The following SIRPB2 variants were observed in gnomAD, a reference collection of about 807,000 sequenced individuals.
The protein encoded by SIRPB2 is signal regulatory protein beta 2, also known as signal-regulatory protein beta-2.
Under a neutral mutation model 27.1 loss-of-function variants are expected in SIRPB2, and 18 were observed. That is an observed-to-expected ratio of 0.66 (90% CI 0.46 to 0.98). SIRPB2 has a LOEUF of 0.98. SIRPB2 is among the 50% of genes least tolerant of loss of function. SIRPB2 has a pLI of 0.00. For synonymous variants in SIRPB2, 150 were observed against 164.6 expected (o/e 0.91, Z 0.68); for missense variants, 420 against 417.4 (o/e 1.01, Z -0.06).
chr20:1,481,208 G>A lies in SIRPB2; in HGVS notation c.86-1143C>T, dbSNP rs183195899. On this transcript the variant is annotated intron_variant, in intron 1 of 4. Transcript: ENST00000359801. ...TTTTAATTTTTTTTGTAGTGATGGG[G>A]TCTCACTATGGTGCCCAGGCTGGTC... Among the ~76,000 whole-genome samples the A allele has an allele frequency of 7.6e-3, 1,158 of 152,026 alleles. 8 individuals are homozygous for A. Among genetic ancestry groups the A allele is most frequent in the African/African-American group, 0.026 (1,072 of 41,436 alleles).
At position 1,478,493 on chromosome 20, in the gene SIRPB2, C is replaced by A; in HGVS notation, c.566G>T (p.Gly189Val). The part of the protein sequence containing the change: ...NCTVLGDGPP[G>V]PIRWFQGAGL... ...AGCTCCCTGGAACCACCTGATGGGT[C>A]CAGGGGGACCGTCTCCAAGCACTGT... The change falls in exon 3 of 5, where the codon GGA becomes GTA. Residue 189 changes from glycine (G) to valine (V), a missense_variant. Transcript: ENST00000359801. 1 of 1,614,122 alleles carries A rather than the reference C, an allele frequency of 6.2e-7. No homozygotes were observed. Among genetic ancestry groups the A allele is most frequent in the South Asian group, 1.1e-5 (1 of 91,080 alleles).
rs769198989 is a variant in SIRPB2 at position 1,478,279 on chromosome 20, G to T, written c.780C>A (p.Ser260Arg). The T allele has an allele frequency of 1.2e-6, 2 of 1,611,132 alleles. No homozygotes were observed. The highest frequency in any genetic ancestry group is 3.3e-5 in the Admixed American group (2 of 59,962). Reference protein sequence around the residue: ...NRQYLSGQGTSLKVKAKSTSS... With the variant: ...NRQYLSGQGTRLKVKAKSTSS... ...CAATTGTCTCACCTTTCACTTTCAGGCTGGTGCCCTGTCCAGACAGGTATT... is the reference window on the plus strand; with the variant it reads ...CAATTGTCTCACCTTTCACTTTCAGTCTGGTGCCCTGTCCAGACAGGTATT... The change falls in exon 3 of 5, where the codon AGC (serine) becomes AGA (arginine). Residue 260 changes from serine (S) to arginine (R), a missense_variant. Coordinates refer to ENST00000359801, the MANE Select transcript of SIRPB2 (RefSeq NM_001122962.2).
chr20:1,482,474 T>C (rs2090680734), intron 1 of SIRPB2, among the ~76,000 whole-genome samples: 2 of 151,370 alleles, frequency 1.3e-5, no homozygotes, highest in Non-Finnish European at 2.9e-5. Context: ...ACCTGCATAG[T>C]TGTCTTTCTG....
rs1035730874 is a variant in SIRPB2 at position 1,476,111 on chromosome 20, T to C, written c.*56A>G. 3.8e-6 allele frequency: 6 copies of C among 1,580,660 alleles called. No homozygotes were observed. The highest frequency in any genetic ancestry group is 1.4e-5 in the African/African-American group (1 of 72,906). Reference sequence around the variant, plus strand: ...GCTGGGACTGGAGGTAGGGAAATGGTTGAGGAGCCCTGGCTCCTCTCCAAC... The same window carrying C: ...GCTGGGACTGGAGGTAGGGAAATGGCTGAGGAGCCCTGGCTCCTCTCCAAC... On this transcript the variant is annotated 3_prime_UTR_variant, in exon 5 of 5. Transcript: ENST00000359801.
chr20:1,473,435 CAT>C (rs1379620189), downstream of SIRPB2, among the ~76,000 whole-genome samples: 1 of 152,088 alleles, frequency 6.6e-6, no homozygotes, highest in Non-Finnish European at 1.5e-5. Flanking sequence ...CAGATGCACA[CAT>C]GCATGCACAC....
At chr20:1,480,401 G>T in intron 1 of SIRPB2, 1 of 249,312 alleles carries the variant, frequency 4.0e-6, no homozygotes, top group Non-Finnish European at 7.8e-6. Context: ...GGTCCGGAAA[G>T]GTTAGGCAGC....
intron 1 of SIRPB2, among the ~76,000 whole-genome samples, chr20:1,486,292 T>G (rs2090725896): frequency 6.6e-6 from 1 of 151,948 alleles, no homozygotes; most frequent in Non-Finnish European, 1.5e-5. Context: ...AGGCTGGTCT[T>G]GAACTCCTGG....
At chr20:1,486,564 T>G (rs961110381) in intron 1 of SIRPB2, among the ~76,000 whole-genome samples, 3 of 152,144 alleles carry the variant, frequency 2.0e-5, no homozygotes, top group Non-Finnish European at 2.9e-5. Flanking sequence ...ACACAAAATT[T>G]TAGTAAACCG....
At chr20:1,470,779 G>A (rs2090578681), downstream of SIRPB2, 1 of 152,132 alleles carries the variant, frequency 6.6e-6, no homozygotes, top group African/African-American at 2.4e-5. Flanking sequence ...CAGGCAATGT[G>A]TTTACTAGCG....
rs990688406 is a variant in SIRPB2, at chr20:1,474,793, C to G, written c.*1374G>C. On this transcript the variant is annotated 3_prime_UTR_variant, in exon 5 of 5. Transcript: ENST00000359801. ...TTCACCATGTTAGCCAGGCTGGTCT[C>G]AAACTCCTGAACTCAGGTGATCCAC... 2 of 152,282 alleles carry G rather than the reference C, an allele frequency of 1.3e-5. No individual in the cohort carries two copies. The highest frequency in any genetic ancestry group is 2.9e-5 in the Non-Finnish European group (2 of 68,106). The allele number at this position is 152,282 out of a possible 1,614,324, so 9.4% of individuals were successfully genotyped here.
chr20:1,476,691 T>C, intron 4 of SIRPB2: 1 of 1,050,554 alleles, frequency 9.5e-7, no homozygotes, highest in South Asian at 3.3e-5. Context: ...CAGGGCCACA[T>C]GTGTTAAAGA....
At chr20:1,482,750 A>T (rs187343388) in intron 1 of SIRPB2, among the ~76,000 whole-genome samples, 114 of 149,964 alleles carry the variant, frequency 7.6e-4, no homozygotes, top group Admixed American at 5.5e-3. Flanking sequence ...GTTGCTGTGA[A>T]TGACTACATG....
At position 1,480,004 on chromosome 20, in the gene SIRPB2, C is replaced by A. The variant is rs747034277; in HGVS notation, c.147G>T (p.Leu49=). The change falls in exon 2 of 5, where the codon CTG becomes CTT. Residue 49 remains leucine, a synonymous_variant. Coordinates refer to ENST00000359801, the MANE Select transcript of SIRPB2 (RefSeq NM_001122962.2). ...WQVLQPEGPM[L]VAEGETLLLR... ...GTAGAAGTGTCTCACCTTCTGCCAC[C>A]AGCATGGGGCCCTCGGGCTGTAGCA... is the stretch of plus-strand genomic sequence containing the variant. 1 of 1,614,098 alleles carries A rather than the reference C, an allele frequency of 6.2e-7. No homozygotes were observed. Among genetic ancestry groups the A allele is most frequent in the South Asian group, 1.1e-5 (1 of 91,088 alleles).
In SIRPB2 at chr20:1,479,952, T is replaced by G; in HGVS notation, c.199A>C (p.Thr67Pro). 17 of 1,614,194 alleles carry G rather than the reference T, an allele frequency of 1.1e-5. No individual in the cohort carries two copies. Among genetic ancestry groups the G allele is most frequent in the Non-Finnish European group, 1.4e-5 (16 of 1,180,040 alleles). ...LLRCMVVGSC[T>P]DGMIKWVKVS... ...TTCACCCATTTTATCATACCATCAG[T>G]GCAGGAGCCGACCACCATACACCTC... Residue 67 changes from threonine to proline, a missense_variant, in exon 2 of 5, where the codon ACT (threonine) becomes CCT (proline). By Grantham distance (38) the Thr-to-Pro change is conservative (BLOSUM62 -1). Transcript: ENST00000359801.
downstream of SIRPB2, among the ~76,000 whole-genome samples, chr20:1,471,656 G>A (rs1414837005): frequency 1.3e-5 from 2 of 152,156 alleles, no homozygotes; most frequent in East Asian, 3.9e-4. Flanking sequence ...TTGTGGAGAG[G>A]ACGGACTATT....
intron 1 of SIRPB2, among the ~76,000 whole-genome samples, chr20:1,484,905 C>T (rs1019235670): frequency 1.3e-5 from 2 of 152,062 alleles, no homozygotes; most frequent in Non-Finnish European, 2.9e-5. Flanking sequence ...TACTATTTGG[C>T]TATAAAAACA....
chr20:1,489,716 C>G (rs746941190), intron 1 of SIRPB2, among the ~76,000 whole-genome samples: 1 of 151,972 alleles, frequency 6.6e-6, no homozygotes, highest in Non-Finnish European at 1.5e-5. Flanking sequence ...CCTTTAAAAG[C>G]CTTATAGAAA....
chr20:1,482,757 C>T lies in SIRPB2; in HGVS notation c.86-2692G>A, dbSNP rs191250800. Among the ~76,000 whole-genome samples the T allele has an allele frequency of 1.3e-4, 19 of 147,314 alleles. No homozygotes were observed. The East Asian group carries it at 3.7e-3, about 29-fold the overall frequency. On this transcript the variant is annotated intron_variant, in intron 1 of 4. Transcript: ENST00000359801. ...CCATCCGTGTTGCTGTGAATGACTA[C>T]ATGATTTCATTATTTTTTTTTCACG...
intron 1 of SIRPB2, among the ~76,000 whole-genome samples, chr20:1,488,457 C>T (rs1165838664): frequency 1.3e-5 from 2 of 151,776 alleles, no homozygotes; most frequent in African/African-American, 4.8e-5. Context: ...TTGTCTCTAC[C>T]AAAACAAAAA....
Sources: gnomAD v4.1 joint callset for allele counts (sites outside exome capture counted in the v4.1 genomes callset) on GRCh38, gnomAD v4.1.1 for gene constraint, MANE v1.5 for transcripts, NCBI Gene and HGNC (gene_info 2026-07-23, HGNC 2026-07-21) for gene names.